The following KDM2A variants were observed in gnomAD, a reference collection of about 807,000 sequenced individuals.
KDM2A encodes lysine demethylase 2A.
In KDM2A, 3 loss-of-function variants were observed where a neutral mutation model predicts 137.3. The observed-to-expected ratio is 0.02, with a 90% CI of 0.01 to 0.06. KDM2A has a LOEUF of 0.06. KDM2A is among the 10% of genes least tolerant of loss of function. The pLI is 1.00. For synonymous variants in KDM2A, 512 were observed against 541.5 expected (o/e 0.95, Z 0.76); for missense variants, 738 against 1,510.6 (o/e 0.49, Z 8.48).
intron 6 of KDM2A, 63 bp from the exon 7 acceptor site, chr11:67,215,277 T>C (rs1858127779): frequency 1.9e-6 from 2 of 1,061,204 alleles, no homozygotes; most frequent in African/African-American, 1.6e-5. Context: ...TTCTTGACTT[T>C]AAAATTATCT....
intron 12 of KDM2A, among the ~76,000 whole-genome samples, chr11:67,239,080 A>G (rs1317633990): frequency 6.6e-6 from 1 of 152,236 alleles, no homozygotes; most frequent in Non-Finnish European, 1.5e-5. Context: ...GACAGGATGC[A>G]GGACTGGCTG....
chr11:67,222,320 C>T (rs1858388123), intron 10 of KDM2A, among the ~76,000 whole-genome samples: 2 of 53,584 alleles, frequency 3.7e-5, no homozygotes, highest in Admixed American at 4.2e-4. Context: ...CAAAGCACAT[C>T]TTGCACCGCC....
At position 67,196,802 on chromosome 11, in the gene KDM2A, A is replaced by C. The variant is rs183651350; in HGVS notation, c.308-10708A>C. 6.1e-4 allele frequency: 130 copies of C among 213,170 alleles called. 1 individual carries two copies. The highest frequency in any genetic ancestry group is 8.7e-5 in the Non-Finnish European group (9 of 103,070). 13.2% of individuals were successfully genotyped at this position (213,170 alleles called of 1,614,324 possible). On this transcript the variant is annotated intron_variant, in intron 5 of 20. Transcript: ENST00000529006. Reference sequence around the variant, plus strand: ...AGATGGATGGTGGTAATGGTTGCACAACATTGTGAATATATTTAATAACAC... The same window carrying C: ...AGATGGATGGTGGTAATGGTTGCACCACATTGTGAATATATTTAATAACAC...
chr11:67,148,445 GTTT>G (rs1565378119), intron 2 of KDM2A, among the ~76,000 whole-genome samples: 1 of 147,970 alleles, frequency 6.8e-6, no homozygotes, highest in African/African-American at 2.7e-5. Context: ...TAAAATAAGG[GTTT>G]TTTCATGGGG....
chr11:67,183,397 T>G (rs1175625502), intron 5 of KDM2A, among the ~76,000 whole-genome samples: 1 of 152,210 alleles, frequency 6.6e-6, no homozygotes, highest in Non-Finnish European at 1.5e-5. Context: ...ATGACCTGCA[T>G]CAGAATTGCT....
intron 5 of KDM2A, among the ~76,000 whole-genome samples, chr11:67,187,551 T>TATTC (rs1565394650): frequency 8.4e-6 from 1 of 119,322 alleles, no homozygotes; most frequent in Non-Finnish European, 1.7e-5. Context: ...TAATTGATTT[T>TATTC]ATTTATTTAT....
In KDM2A at chr11:67,119,819, C is replaced by G. The variant is rs996388610; in HGVS notation, c.-314C>G. ...GGCGGGGGCGCCCCGGGCTCGGCGC[C>G]GAGGGGTCGCGCTCCTCTCTCCTGA... is the stretch of plus-strand genomic sequence containing the variant. On this transcript the variant is annotated 5_prime_UTR_variant, in exon 1 of 21. Coordinates refer to ENST00000529006, the MANE Select transcript of KDM2A (RefSeq NM_012308.3). 6.6e-6 allele frequency: 1 copy of G among 151,406 alleles called. No homozygotes were observed. Among genetic ancestry groups the G allele is most frequent in the Non-Finnish European group, 1.5e-5 (1 of 67,718 alleles). The allele number at this position is 151,406 out of a possible 1,614,324, so 9.4% of individuals were successfully genotyped here.
intron 2 of KDM2A, among the ~76,000 whole-genome samples, chr11:67,151,501 A>G (rs888965871): frequency 2.0e-5 from 3 of 151,954 alleles, no homozygotes; most frequent in Non-Finnish European, 2.9e-5. Flanking sequence ...GGTGTCTGCC[A>G]TAATGCCTGG....
chr11:67,250,144 T>C lies in KDM2A; in HGVS notation c.2114T>C (p.Leu705Pro). Reference sequence around the variant, plus strand: ...GTGCAAGCCAAAGTCCTGCGGCCCCTGCGGAGCTGCGATGAGCCTCTCACG... The same window carrying C: ...GTGCAAGCCAAAGTCCTGCGGCCCCCGCGGAGCTGCGATGAGCCTCTCACG... The part of the protein sequence containing the change: ...EAVQAKVLRP[L>P]RSCDEPLTPP... The change falls in exon 17 of 21, where the codon CTG becomes CCG. Residue 705 changes from leucine to proline, a missense_variant. Physicochemically the swap from Leu to Pro is moderately conservative, Grantham distance 98. Around this residue, in one of 9 missense-constraint regions of KDM2A, gnomAD observed 244 missense variants for 324.6 expected, o/e 0.75. Transcript: ENST00000529006. The surrounding 1 kb of genome is among the most constrained non-coding windows in gnomAD (Gnocchi z 7.1). The C allele has an allele frequency of 6.2e-7, 1 of 1,613,068 alleles. No homozygotes were observed. Among genetic ancestry groups the C allele is most frequent in the Non-Finnish European group, 8.5e-7 (1 of 1,179,494 alleles).
chr11:67,253,601 T>G lies in KDM2A; in HGVS notation c.3081T>G (p.Ala1027=). Residue 1027 remains alanine (A), a synonymous_variant, in exon 19 of 21, where the codon GCT becomes GCG. Transcript: ENST00000529006. ...TTCGGGACTTGCTTACTCCACCGGCTGATAAACCAGGTATGCTCTGGACCT... is the reference window on the plus strand; with the variant it reads ...TTCGGGACTTGCTTACTCCACCGGCGGATAAACCAGGTATGCTCTGGACCT... ...PQIRDLLTPP[A]DKPGQDNRSK... 6.2e-7 allele frequency: 1 copy of G among 1,613,942 alleles called. No individual in the cohort carries two copies. The highest frequency in any genetic ancestry group is 8.5e-7 in the Non-Finnish European group (1 of 1,179,838).
chr11:67,238,915 A>G (rs948183975), intron 12 of KDM2A, among the ~76,000 whole-genome samples: 2 of 152,142 alleles, frequency 1.3e-5, no homozygotes, highest in African/African-American at 4.8e-5. Flanking sequence ...ACTCAACCAG[A>G]GTGTGCACCC....
At chr11:67,121,043 C>T (rs542058492) in intron 1 of KDM2A, among the ~76,000 whole-genome samples, 191 bp from the exon 2 acceptor site, 15 of 152,088 alleles carry the variant, frequency 9.9e-5, no homozygotes, top group Non-Finnish European at 2.1e-4. Flanking sequence ...AGGCCTCCGA[C>T]AGTTGTAATG....
intron 5 of KDM2A, among the ~76,000 whole-genome samples, chr11:67,192,824 G>T (rs562589847): frequency 1.4e-4 from 21 of 152,150 alleles, no homozygotes; most frequent in African/African-American, 4.8e-4. Context: ...AGTTTAGACG[G>T]TATAAGCCTA....
intron 2 of KDM2A, among the ~76,000 whole-genome samples, chr11:67,167,460 C>A (rs763725562): frequency 1.3e-5 from 2 of 152,070 alleles, no homozygotes; most frequent in Admixed American, 6.5e-5. Context: ...GTAAGTGTAT[C>A]CCGACTCTTT....
At chr11:67,244,828 A>C (rs1470593195) in intron 13 of KDM2A, among the ~76,000 whole-genome samples, 1 of 152,036 alleles carries the variant, frequency 6.6e-6, no homozygotes. Context: ...TACAAAAAAT[A>C]CAAAAAAATT....
At position 67,206,002 on chromosome 11, in the gene KDM2A, A is replaced by G. The variant is rs982326348; in HGVS notation, c.308-1508A>G. Among the ~76,000 whole-genome samples the G allele has an allele frequency of 3.3e-5, 5 of 152,136 alleles. No homozygotes were observed. In the East Asian group the frequency reaches 5.8e-4, roughly 18 times the overall value. The stretch of plus-strand genomic sequence containing the variant: ...TGTTTTTACTGCCGCTTGAGCACCT[A>G]CTTTGTATTAAACATTTTACTTTAT... On this transcript the variant is annotated intron_variant, in intron 5 of 20. Coordinates refer to ENST00000529006, the MANE Select transcript of KDM2A (RefSeq NM_012308.3).
chr11:67,252,876 C>T lies in KDM2A; in HGVS notation c.2932+19C>T, dbSNP rs751139810. On this transcript the variant is annotated intron_variant, in intron 18 of 20. Coordinates refer to ENST00000529006, the MANE Select transcript of KDM2A (RefSeq NM_012308.3). Reference sequence around the variant, plus strand: ...CTGCCAGGTAAGTGAGCAGCCCTGCCGCTGTCTTTCCAGGGGCCCAGAAGA... The same window carrying T: ...CTGCCAGGTAAGTGAGCAGCCCTGCTGCTGTCTTTCCAGGGGCCCAGAAGA... 8 of 1,589,670 alleles carry T rather than the reference C, an allele frequency of 5.0e-6. No homozygotes were observed. Among genetic ancestry groups the T allele is most frequent in the Middle Eastern group, 2.0e-4 (1 of 5,118 alleles).
chr11:67,141,680 A>ATATAT (rs1163024987), intron 2 of KDM2A, among the ~76,000 whole-genome samples: 1 of 76,658 alleles, frequency 1.3e-5, no homozygotes, highest in African/African-American at 6.7e-5. Context: ...AAAAAAAAAA[A>ATATAT]AAATATATAT....
At chr11:67,145,471 G>C (rs1856222213) in intron 2 of KDM2A, among the ~76,000 whole-genome samples, 1 of 151,866 alleles carries the variant, frequency 6.6e-6, no homozygotes, top group African/African-American at 2.4e-5. Flanking sequence ...GCCTTCCAGA[G>C]TGAGACTTCA....
Sources: gnomAD v4.1 joint callset for allele counts (sites outside exome capture counted in the v4.1 genomes callset) on GRCh38, gnomAD v4.1.1 for gene constraint, gnomAD v4.1.1 regional missense constraint, Gnocchi (gnomAD v3.1) non-coding constraint, MANE v1.5 for transcripts, NCBI Gene and HGNC (gene_info 2026-07-23, HGNC 2026-07-21) for gene names.